The following ASCC2 variants were observed in gnomAD, a reference collection of about 807,000 sequenced individuals.
ASCC2 encodes the protein ASC-1 complex subunit P100.
Under a neutral mutation model 93.5 loss-of-function variants are expected in ASCC2, and 42 were observed. The observed-to-expected ratio is 0.45, with a 90% confidence interval of 0.35 to 0.58. The LOEUF (loss-of-function observed/expected upper bound fraction) is 0.58. Among genes scored for constraint, ASCC2 ranks in the 20% least tolerant of loss-of-function variants. The probability of loss-of-function intolerance (pLI) is 0.00; values close to 1 mark genes in which losing one functional copy is unlikely to be tolerated. For synonymous variants in ASCC2, 364 were observed against 384.2 expected (o/e 0.95, Z 0.62); for missense variants, 859 against 977.6 (o/e 0.88, Z 1.62).
intron 15 of ASCC2, among the ~76,000 whole-genome samples, chr22:29,794,321 G>A (rs1215221311): frequency 6.6e-6 from 1 of 151,948 alleles, no homozygotes; most frequent in Non-Finnish European, 1.5e-5. Flanking sequence ...GTGAAACCCC[G>A]TCTCTACTAA....
intron 1 of ASCC2, chr22:29,833,416 GAGA>G: frequency 2.9e-6 from 1 of 347,664 alleles, no homozygotes; most frequent in Non-Finnish European, 5.6e-6. Context: ...AGAACGACAT[GAGA>G]AGAAGGGAAG....
chr22:29,827,793 A>ACACACACACACACACACACAC (rs2062582708), intron 2 of ASCC2, among the ~76,000 whole-genome samples: 2 of 20,454 alleles, frequency 9.8e-5, no homozygotes, highest in African/African-American at 4.9e-4. Context: ...CACACACACA[A>ACACACACACACACACACACAC]CCAGGCTACT....
Position 29,825,471 on chromosome 22 carries a change from G to A in ASCC2, c.240+151C>T, listed in dbSNP as rs2062177865. The A allele has an allele frequency of 8.2e-7, 1 of 1,224,022 alleles. No homozygotes were observed. Among genetic ancestry groups the A allele is most frequent in the Admixed American group, 2.1e-5 (1 of 47,232 alleles). 75.8% of individuals were successfully genotyped at this position (1,224,022 alleles called of 1,614,324 possible). A position where few individuals can be genotyped will look rare whatever the true frequency, so the allele number is the denominator to read the frequency against. On this transcript the variant is annotated intron_variant, in intron 3 of 19. Coordinates refer to ENST00000307790, the MANE Select transcript of ASCC2 (RefSeq NM_032204.5). This position sits in a 1 kb window ranked among gnomAD's most constrained non-coding sequence, Gnocchi z 4.9. ...TGTAAACATTAAGATTGTGATACAAGACAGAGCAATCCGAACCACAATTTG... is the reference window on the plus strand; with the variant it reads ...TGTAAACATTAAGATTGTGATACAAAACAGAGCAATCCGAACCACAATTTG...
intron 12 of ASCC2, among the ~76,000 whole-genome samples, chr22:29,805,109 C>T (rs950869685): frequency 4.6e-5 from 7 of 152,158 alleles, no homozygotes; most frequent in African/African-American, 4.8e-5. Flanking sequence ...CAGGTATGGA[C>T]GAGCCAGCAG....
At chr22:29,818,436 ACACACACACACAC>A (rs1490348443) in intron 5 of ASCC2, among the ~76,000 whole-genome samples, 2 of 49,396 alleles carry the variant, frequency 4.0e-5, no homozygotes, top group East Asian at 2.3e-3. Context: ...ACACACACAC[ACACACACACACAC>A]ACACACACAC....
In ASCC2 at chr22:29,802,175, T is replaced by C. The variant is rs149376247; in HGVS notation, c.1387A>G (p.Met463Val). 2.7e-5 allele frequency: 44 copies of C among 1,613,996 alleles called. No individual in the cohort carries two copies. The highest frequency in any genetic ancestry group is 3.6e-5 in the Non-Finnish European group (43 of 1,180,012). Residue 463 changes from methionine to valine, a missense_variant, in exon 14 of 20, where the codon ATG becomes GTG. Coordinates refer to ENST00000307790, the MANE Select transcript of ASCC2 (RefSeq NM_032204.5). Reference protein sequence around the residue: ...MGAAAAVGPAMCGVELDSLIS... With the variant: ...MGAAAAVGPAVCGVELDSLIS... The stretch of plus-strand genomic sequence containing the variant: ...AGAGAGTCCAGTTCCACCCCACACA[T>C]GGCAGGGCCCACAGCCGCGGCTGCT...
intron 4 of ASCC2, among the ~76,000 whole-genome samples, chr22:29,823,030 A>C (rs944411397): frequency 2.8e-5 from 4 of 143,482 alleles, no homozygotes; most frequent in African/African-American, 1.0e-4. Flanking sequence ...TCCCCTTTAA[A>C]AAAAATTTTT....
At chr22:29,803,107 T>C (rs2059283447) in intron 13 of ASCC2, among the ~76,000 whole-genome samples, 1 of 151,246 alleles carries the variant, frequency 6.6e-6, no homozygotes, top group Non-Finnish European at 1.5e-5. Context: ...AAAAATTAGC[T>C]GGGTGTGGTG....
chr22:29,804,611 A>G, intron 13 of ASCC2, 27 bp downstream of exon 13: 1 of 1,606,382 alleles, frequency 6.2e-7, no homozygotes, highest in Non-Finnish European at 8.5e-7. Context: ...ACAAGCGAAG[A>G]GGGAAAAGCG....
At chr22:29,799,833 G>C (rs1601866881) in intron 15 of ASCC2, among the ~76,000 whole-genome samples, 1 of 152,120 alleles carries the variant, frequency 6.6e-6, no homozygotes, top group Non-Finnish European at 1.5e-5. Context: ...TGTCACCCAG[G>C]CTGGAGTACA....
intron 18 of ASCC2, among the ~76,000 whole-genome samples, chr22:29,792,171 C>T (rs917529181): frequency 1.3e-5 from 2 of 152,152 alleles, no homozygotes; most frequent in Non-Finnish European, 1.5e-5. Context: ...GACTCCTAGG[C>T]TCCTGGGCCT....
intron 4 of ASCC2, among the ~76,000 whole-genome samples, chr22:29,823,779 G>A (rs374414527): frequency 4.0e-5 from 6 of 151,354 alleles, no homozygotes; most frequent in African/African-American, 9.7e-5. Flanking sequence ...TCCAGGAGGC[G>A]GAGGTTGCAG....
rs1275827824 is a variant in ASCC2, at chr22:29,793,639, C to T, written c.1726G>A (p.Asp576Asn). 12 of 1,596,982 alleles carry T rather than the reference C, an allele frequency of 7.5e-6. No individual in the cohort carries two copies. The highest frequency in any genetic ancestry group is 2.2e-5 in the South Asian group (2 of 89,050). ...CGCTGTGCCGCCACTGCACGCTTGT[C>T]GTTCAGCAAACTCCGCGTGTTTTCC... ...KEENTRSLLN[D>N]KRAVAAQRQR... Residue 576 changes from aspartate (D) to asparagine (N), a missense_variant, in exon 16 of 20, where the codon GAC becomes AAC. Transcript: ENST00000307790.
rs543364505 is a variant in ASCC2, at chr22:29,789,312, C to A, written c.2103-128G>T. The A allele has an allele frequency of 4.4e-6, 5 of 1,129,182 alleles. No homozygotes were observed. In the African/African-American group the frequency reaches 4.6e-5, roughly 10 times the overall value. The allele number at this position is 1,129,182 out of a possible 1,614,324, so 69.9% of individuals were successfully genotyped here. On this transcript the variant is annotated intron_variant, in intron 19 of 19. Transcript: ENST00000307790. ...CTGGGCCTGGTCACTCATGTCCCAACTTCAGATGGAAGGAGAGATGGAGCC... is the reference window on the plus strand; with the variant it reads ...CTGGGCCTGGTCACTCATGTCCCAAATTCAGATGGAAGGAGAGATGGAGCC...
chr22:29,793,611 T>G lies in ASCC2; in HGVS notation c.1754A>C (p.Gln585Pro). Residue 585 changes from glutamine to proline, a missense_variant, in exon 16 of 20, where the codon CAG becomes CCG. Gln to Pro is a moderately conservative substitution (Grantham distance 76). Coordinates refer to ENST00000307790, the MANE Select transcript of ASCC2 (RefSeq NM_032204.5). ...NDKRAVAAQR[Q>P]RYEQYSVVVE... Reference sequence around the variant, plus strand: ...CACCACGCTGTACTGCTCGTAGCGCTGCCGCTGTGCCGCCACTGCACGCTT... The same window carrying G: ...CACCACGCTGTACTGCTCGTAGCGCGGCCGCTGTGCCGCCACTGCACGCTT... The G allele has an allele frequency of 6.2e-7, 1 of 1,607,104 alleles. No individual in the cohort carries two copies. The highest frequency in any genetic ancestry group is 1.1e-5 in the South Asian group (1 of 90,302).
intron 4 of ASCC2, among the ~76,000 whole-genome samples, chr22:29,824,430 C>T (rs936080321): frequency 6.6e-6 from 1 of 151,998 alleles, no homozygotes; most frequent in Non-Finnish European, 1.5e-5. Context: ...GCCTGAGAAA[C>T]ATAGCGAGAC....
intron 18 of ASCC2, among the ~76,000 whole-genome samples, 184 bp downstream of exon 18, chr22:29,792,249 C>G (rs568257711): frequency 2.6e-3 from 396 of 152,246 alleles, no homozygotes; most frequent in Non-Finnish European, 4.1e-3. Context: ...TAGTGGGCAG[C>G]AGAAGTTAGT....
Position 29,792,418 on chromosome 22 carries a change from C to T in ASCC2, c.2022+15G>A. ...CTGCACTCTCCCCTTCATCTGCTAC[C>T]TGCCAGGGAGGTACCTTGGGAGCCT... is the stretch of plus-strand genomic sequence containing the variant. On this transcript the variant is annotated intron_variant, in intron 18 of 19. Coordinates refer to ENST00000307790, the MANE Select transcript of ASCC2 (RefSeq NM_032204.5). 1 of 1,613,506 alleles carries T rather than the reference C, an allele frequency of 6.2e-7. No individual in the cohort carries two copies.
chr22:29,836,004 G>C (rs2063730684), intron 1 of ASCC2, among the ~76,000 whole-genome samples: 1 of 152,116 alleles, frequency 6.6e-6, no homozygotes, highest in South Asian at 2.1e-4. Context: ...GTCTTAAAAT[G>C]TGTGGCTTTG....
Sources: allele counts gnomAD v4.1 joint callset (sites outside exome capture counted in the v4.1 genomes callset), GRCh38; gene constraint gnomAD v4.1.1; non-coding constraint Gnocchi (gnomAD v3.1); transcripts MANE v1.5; gene names NCBI Gene and HGNC (gene_info 2026-07-23, HGNC 2026-07-21).